WAPL: variants seen among roughly 807,000 people sequenced by gnomAD.
The protein encoded by WAPL is wings apart-like protein homolog.
Under a neutral mutation model 121.0 loss-of-function variants are expected in WAPL, and 5 were observed. That is an observed-to-expected ratio of 0.04 (90% CI 0.02 to 0.09). WAPL has a LOEUF of 0.09. Among genes scored for constraint, WAPL ranks in the 10% least tolerant of loss-of-function variants. WAPL has a pLI of 1.00. For missense variants in WAPL, 999 were observed against 1,410.8 expected (o/e 0.71, Z 4.68); for synonymous variants, 480 against 481.5 (o/e 1.00, Z 0.04).
chr10:86,453,615 T>C (rs752244087), intron 13 of WAPL, 41 bp downstream of exon 13: 3 of 1,567,774 alleles, frequency 1.9e-6, no homozygotes, highest in South Asian at 2.4e-5. Context: ...TCACATGCAA[T>C]ATACATCTTT....
At chr10:86,495,850 C>G (rs1842139442) in intron 4 of WAPL, among the ~76,000 whole-genome samples, 1 of 152,150 alleles carries the variant, frequency 6.6e-6, no homozygotes, top group African/African-American at 2.4e-5. Context: ...CACGGTGGCT[C>G]ACACCTGTAA....
chr10:86,472,588 T>G lies in WAPL; in HGVS notation c.1893+24A>C, dbSNP rs775815761. On this transcript the variant is annotated intron_variant, in intron 6 of 18. Transcript: ENST00000298767. This position sits in a 1 kb window ranked among gnomAD's most constrained non-coding sequence, Gnocchi z 4.2. The stretch of plus-strand genomic sequence containing the variant: ...CATACAAAAATCTATCAACATGCAG[T>G]AAACACTGTATATGGCTGCTTACTT... 1.9e-6 allele frequency: 3 copies of G among 1,605,786 alleles called. No individual in the cohort carries two copies.
Position 86,500,397 on chromosome 10 carries a change from A to G in WAPL, c.846T>C (p.Asp282=). The change falls in exon 3 of 19, where the codon GAT becomes GAC. Residue 282 remains aspartate, a synonymous_variant. Transcript: ENST00000298767. ...TTGGCCTAAGAACACTTTGTACAAT[A>G]TCTTCCTCAATGGCTTCATTCAGAT... ...LENLNEAIEE[D]IVQSVLRPTN... 5.6e-6 allele frequency: 9 copies of G among 1,614,192 alleles called. No individual in the cohort carries two copies. Among genetic ancestry groups the G allele is most frequent in the Non-Finnish European group, 7.6e-6 (9 of 1,180,036 alleles).
chr10:86,517,885 G>A lies in WAPL; in HGVS notation c.185C>T (p.Pro62Leu). The A allele has an allele frequency of 6.2e-7, 1 of 1,614,050 alleles. No homozygotes were observed. The change falls in exon 2 of 19, where the codon CCT (proline) becomes CTT (leucine). Residue 62 changes from proline to leucine, a missense_variant. This residue lies in a region of WAPL where 531 missense variants were observed against 563.1 expected (regional missense o/e 0.94). Coordinates refer to ENST00000298767, the MANE Select transcript of WAPL (RefSeq NM_015045.5). The stretch of plus-strand genomic sequence containing the variant: ...TCCAGTACTTTCTTCTTCCACTTTA[G>A]GTTTCTTCGGAATTTCTTGGATATC... ...KPDIQEIPKK[P>L]KVEEESTGDP...
At chr10:86,517,543 G>A (rs748207052) in intron 2 of WAPL, 28 bp downstream of exon 2, 7 of 1,572,046 alleles carry the variant, frequency 4.5e-6, no homozygotes, top group Non-Finnish European at 6.0e-6. Context: ...AGCTCTCTTG[G>A]CGGAGAATAA....
At chr10:86,449,880 A>G (rs1358541261) in intron 15 of WAPL, among the ~76,000 whole-genome samples, 1 of 152,236 alleles carries the variant, frequency 6.6e-6, no homozygotes, top group Non-Finnish European at 1.5e-5. Flanking sequence ...AGTGAGCAGC[A>G]AAAGGGAATT....
chr10:86,470,844 C>T, intron 8 of WAPL, 148 bp downstream of exon 8: 1 of 590,920 alleles, frequency 1.7e-6, no homozygotes, highest in Non-Finnish European at 2.8e-6. Context: ...AGCTTCTGGC[C>T]ATAAGCACTA....
intron 4 of WAPL, among the ~76,000 whole-genome samples, chr10:86,496,527 G>A (rs1356983968): frequency 6.6e-6 from 1 of 152,104 alleles, no homozygotes; most frequent in East Asian, 1.9e-4. Flanking sequence ...TAGCCAAAAG[G>A]TAAAAACAAT....
In WAPL at chr10:86,499,881, G is replaced by A; in HGVS notation, c.1362C>T (p.Gly454=). The A allele has an allele frequency of 3.1e-6, 5 of 1,613,932 alleles. No homozygotes were observed. Among genetic ancestry groups the A allele is most frequent in the Non-Finnish European group, 4.2e-6 (5 of 1,179,978 alleles). The change falls in exon 3 of 19, where the codon GGC becomes GGT. Residue 454 remains glycine (G), a synonymous_variant. Transcript: ENST00000298767. The part of the protein sequence containing the change: ...GSSNYKIKYF[G]FDDLSESEDD... ...CTTCGCTTTCACTGAGATCATCAAAGCCAAAATACTTAATTTTGTAATTAG... is the reference window on the plus strand; with the variant it reads ...CTTCGCTTTCACTGAGATCATCAAAACCAAAATACTTAATTTTGTAATTAG...
Position 86,452,092 on chromosome 10 carries a change from G to A in WAPL, c.2989C>T (p.Arg997Trp), listed in dbSNP as rs373455971. 2 of 1,613,978 alleles carry A rather than the reference G, an allele frequency of 1.2e-6. No homozygotes were observed. The highest frequency in any genetic ancestry group is 1.6e-4 in the Middle Eastern group (1 of 6,062). ...LLINLVEYSARNRHCLVNMET... is the reference protein window; with the variant it reads ...LLINLVEYSAWNRHCLVNMET... ...ATGTTGACAAGACAGTGCCGATTCCGAGCACTATACTCCACTAGATTTATC... is the reference window on the plus strand; with the variant it reads ...ATGTTGACAAGACAGTGCCGATTCCAAGCACTATACTCCACTAGATTTATC... Residue 997 changes from arginine (R) to tryptophan (W), a missense_variant, in exon 15 of 19, where the codon CGG becomes TGG. Physicochemically the swap from Arg to Trp is moderately radical, Grantham distance 101. This residue lies in a region of WAPL where 85 missense variants were observed against 133.5 expected (regional missense o/e 0.64). Transcript: ENST00000298767.
Position 86,435,937 on chromosome 10 carries a change from T to C in WAPL, c.*1606A>G, listed in dbSNP as rs1055857436. On this transcript the variant is annotated 3_prime_UTR_variant, in exon 19 of 19. Coordinates refer to ENST00000298767, the MANE Select transcript of WAPL (RefSeq NM_015045.5). ...TGTTTTTAAAAGTATTTTGCTAAGC[T>C]AGCTTTAATACTCAGGGCAAATACA... is the stretch of plus-strand genomic sequence containing the variant. 2.0e-5 allele frequency: 3 copies of C among 152,244 alleles called. No individual in the cohort carries two copies. The highest frequency in any genetic ancestry group is 2.9e-5 in the Non-Finnish European group (2 of 68,036). The allele number at this position is 152,244 out of a possible 1,614,324, so 9.4% of individuals were successfully genotyped here. A position where few individuals can be genotyped will look rare whatever the true frequency, so the allele number is the denominator to read the frequency against.
At chr10:86,507,292 C>T (rs201484459) in intron 2 of WAPL, among the ~76,000 whole-genome samples, 1 of 131,208 alleles carries the variant, frequency 7.6e-6, no homozygotes, top group African/African-American at 2.9e-5. Context: ...CGCTTGAACC[C>T]GGGAGGCAGA....
intron 15 of WAPL, among the ~76,000 whole-genome samples, chr10:86,447,554 C>A (rs1849653758): frequency 6.6e-6 from 1 of 150,896 alleles, no homozygotes; most frequent in Admixed American, 6.6e-5. Context: ...GTTAGACTGG[C>A]AAAAATCTTG....
chr10:86,521,526 G>C lies in WAPL; in HGVS notation c.-184C>G, dbSNP rs994349575. On this transcript the variant is annotated 5_prime_UTR_variant, in exon 1 of 19. Coordinates refer to ENST00000298767, the MANE Select transcript of WAPL (RefSeq NM_015045.5). ...CTTTCGGTAAATAGGAAGCCCGGTTGGGGGGGCAGGAGCGGCGGCCCCGCA... is the reference window on the plus strand; with the variant it reads ...CTTTCGGTAAATAGGAAGCCCGGTTCGGGGGGCAGGAGCGGCGGCCCCGCA... The C allele has an allele frequency of 2.7e-6, 1 of 365,252 alleles. No homozygotes were observed. Among genetic ancestry groups the C allele is most frequent in the Admixed American group, 4.3e-5 (1 of 23,280 alleles). The allele number at this position is 365,252 out of a possible 1,614,324, so 22.6% of individuals were successfully genotyped here.
At chr10:86,484,779 G>A (rs780160518) in intron 4 of WAPL, among the ~76,000 whole-genome samples, 2 of 152,078 alleles carry the variant, frequency 1.3e-5, no homozygotes, top group Non-Finnish European at 2.9e-5. Flanking sequence ...TGTTACAACT[G>A]CCTACAATAT....
intron 1 of WAPL, 46 bp from the exon 2 acceptor site, chr10:86,518,137 G>A: frequency 6.5e-7 from 1 of 1,529,584 alleles, no homozygotes; most frequent in Non-Finnish European, 8.8e-7. Flanking sequence ...AAATACAAGT[G>A]TTAAACAGTG....
At chr10:86,504,641 G>T (rs140528536) in intron 2 of WAPL, among the ~76,000 whole-genome samples, 1 of 150,728 alleles carries the variant, frequency 6.6e-6, no homozygotes, top group African/African-American at 2.4e-5. Flanking sequence ...GACAGAGCGA[G>T]ACTCAGTCTC....
chr10:86,505,300 CTTTTT>C (rs531404303), intron 2 of WAPL, among the ~76,000 whole-genome samples: 122 of 44,646 alleles, frequency 2.7e-3, no homozygotes, highest in Admixed American at 3.1e-3. Flanking sequence ...GTGCCCAACT[CTTTTT>C]TTTTTTTTTT....
intron 4 of WAPL, among the ~76,000 whole-genome samples, chr10:86,492,385 T>C (rs1026412317): frequency 6.6e-6 from 1 of 152,150 alleles, no homozygotes; most frequent in Non-Finnish European, 1.5e-5. Context: ...AAGACAATAA[T>C]GGGGAACAGG....
Sources: gnomAD v4.1 joint callset for allele counts (sites outside exome capture counted in the v4.1 genomes callset) on GRCh38, gnomAD v4.1.1 for gene constraint, gnomAD v4.1.1 regional missense constraint, Gnocchi (gnomAD v3.1) non-coding constraint, MANE v1.5 for transcripts, NCBI Gene and HGNC (gene_info 2026-07-23, HGNC 2026-07-21) for gene names.